The following PLEKHS1 variants were observed in gnomAD, a reference collection of about 807,000 sequenced individuals.
PLEKHS1 encodes pleckstrin homology domain containing S1, also known as pleckstrin homology domain-containing family S member 1.
A neutral mutation model predicts 51.0 loss-of-function variants in PLEKHS1; 55 were observed. The ratio of observed to expected loss-of-function variants is 1.08; its 90% CI spans 0.87 to 1.35. PLEKHS1 has a LOEUF of 1.35. PLEKHS1 is among the 40% of genes most tolerant of loss of function. The probability of loss-of-function intolerance (pLI) is 0.00; values close to 1 mark genes in which losing one functional copy is unlikely to be tolerated. For missense variants in PLEKHS1, 398 were observed against 423.0 expected (o/e 0.94, Z 0.52); for synonymous variants, 153 against 144.8 (o/e 1.06, Z -0.41).
intron 2 of PLEKHS1, chr10:113,765,382 T>G (rs766444548): frequency 2.6e-6 from 2 of 779,386 alleles, no homozygotes; most frequent in Non-Finnish European, 4.8e-6. Flanking sequence ...TTTTCCAGTA[T>G]GGCTGGAGGT....
rs554512855 is a variant in PLEKHS1, at chr10:113,775,822, T to G, written c.1047T>G (p.Asp349Glu). 13 of 1,613,240 alleles carry G rather than the reference T, an allele frequency of 8.1e-6. No individual in the cohort carries two copies. In the South Asian group the frequency reaches 1.3e-4, roughly 16 times the overall value. ...TGAACGTTTTCCTTTCTCCTCCTGATGTCATCAACTATCTTGCTCTCACAG... is the reference window on the plus strand; with the variant it reads ...TGAACGTTTTCCTTTCTCCTCCTGAGGTCATCAACTATCTTGCTCTCACAG... Residue 349 changes from aspartate to glutamate, a missense_variant, in exon 11 of 12, where the codon GAT becomes GAG. By Grantham distance (45) the Asp-to-Glu change is conservative. Transcript: ENST00000361048.
At chr10:113,774,269 G>A in exon 9 of PLEKHS1, 1 of 1,602,236 alleles carries the variant, frequency 6.2e-7, no homozygotes, top group African/African-American at 1.3e-5. Context: ...TGAATCCATT[G>A]AAACTGATGG....
intron 11 of PLEKHS1, among the ~76,000 whole-genome samples, chr10:113,780,148 G>A (rs1230978103): frequency 6.6e-6 from 1 of 152,172 alleles, no homozygotes; most frequent in Non-Finnish European, 1.5e-5. Context: ...GCAGGGATTG[G>A]GAGGGGAGAG....
At chr10:113,756,839 C>T (rs914559898) in intron 2 of PLEKHS1, among the ~76,000 whole-genome samples, 7 of 151,908 alleles carry the variant, frequency 4.6e-5, no homozygotes, top group Admixed American at 1.3e-4. Flanking sequence ...CAGACCTTGA[C>T]CGCGTATGAC....
At chr10:113,783,355 T>C (rs191847675), downstream of PLEKHS1, 1 of 152,322 alleles carries the variant, frequency 6.6e-6, no homozygotes, top group East Asian at 1.9e-4. Context: ...ACATTAAGAA[T>C]GAAAGAATCA....
At chr10:113,772,208 T>A (rs530223158) in intron 8 of PLEKHS1, 119 bp downstream of exon 8, 2 of 1,072,770 alleles carry the variant, frequency 1.9e-6, no homozygotes, top group South Asian at 2.8e-5. Flanking sequence ...GTAAATCAAA[T>A]ACAGATGACG....
At chr10:113,765,057 A>G in intron 2 of PLEKHS1, 1 of 258,432 alleles carries the variant, frequency 3.9e-6, no homozygotes, top group South Asian at 1.2e-4. Flanking sequence ...GTTTTGATTG[A>G]TTGACTTTCT....
chr10:113,763,417 G>A (rs918821458), intron 2 of PLEKHS1, among the ~76,000 whole-genome samples: 29 of 152,076 alleles, frequency 1.9e-4, no homozygotes, highest in African/African-American at 5.3e-4. Context: ...TAATTGAGGT[G>A]TTTAGACCAT....
chr10:113,760,484 A>G (rs974702722), intron 2 of PLEKHS1, among the ~76,000 whole-genome samples: 14 of 152,240 alleles, frequency 9.2e-5, no homozygotes, highest in African/African-American at 3.4e-4. Context: ...CAAAAAAAAA[A>G]GAAAAAAGTT....
intron 9 of PLEKHS1, among the ~76,000 whole-genome samples, 164 bp downstream of exon 9, chr10:113,774,497 A>G (rs1844559533): frequency 1.3e-5 from 2 of 152,190 alleles, no homozygotes; most frequent in African/African-American, 4.8e-5. Flanking sequence ...TGAGGGAGTC[A>G]TGTCTCTTCC....
intron 9 of PLEKHS1, 60 bp downstream of exon 9, chr10:113,774,393 A>G: frequency 1.0e-6 from 1 of 983,088 alleles, no homozygotes. Flanking sequence ...AGGAACAATG[A>G]TTGTCAGTTC....
intron 8 of PLEKHS1, among the ~76,000 whole-genome samples, chr10:113,772,744 G>GC (rs1173169764): frequency 6.6e-6 from 1 of 152,186 alleles, no homozygotes; most frequent in East Asian, 1.9e-4. Flanking sequence ...GGGATGAAGT[G>GC]CCATTTGATA....
At chr10:113,761,441 G>A (rs889609487) in intron 2 of PLEKHS1, among the ~76,000 whole-genome samples, 1 of 134,098 alleles carries the variant, frequency 7.5e-6, no homozygotes, top group Non-Finnish European at 1.6e-5. Context: ...ATTAATTTAT[G>A]TCTCTTTATT....
At chr10:113,773,705 G>A (rs1564825798) in intron 8 of PLEKHS1, among the ~76,000 whole-genome samples, 1 of 152,136 alleles carries the variant, frequency 6.6e-6, no homozygotes, top group Non-Finnish European at 1.5e-5. Context: ...TAGGCCTTAG[G>A]GTTTTTGAGC....
chr10:113,768,673 C>A, intron 5 of PLEKHS1, 142 bp from the exon 6 acceptor site: 3 of 562,760 alleles, frequency 5.3e-6, no homozygotes. Flanking sequence ...GGTGGCGAGG[C>A]CATTTAAGCT....
intron 8 of PLEKHS1, among the ~76,000 whole-genome samples, chr10:113,773,061 C>A (rs1844484759): frequency 6.6e-6 from 1 of 152,130 alleles, no homozygotes; most frequent in South Asian, 2.1e-4. Context: ...TGGGGGTTTT[C>A]CGTAAGATGG....
At chr10:113,755,062 T>C (rs1171131099) in intron 1 of PLEKHS1, among the ~76,000 whole-genome samples, 197 bp from the exon 2 acceptor site, 1 of 152,198 alleles carries the variant, frequency 6.6e-6, no homozygotes, top group East Asian at 1.9e-4. Context: ...TGCTTAGATG[T>C]GTCCCCGTTA....
chr10:113,761,131 T>C (rs1263228135), intron 2 of PLEKHS1, among the ~76,000 whole-genome samples: 2 of 152,216 alleles, frequency 1.3e-5, no homozygotes, highest in African/African-American at 4.8e-5. Context: ...TTCTATTCCA[T>C]TGGCCTATGT....
At position 113,768,034 on chromosome 10, in the gene PLEKHS1, C is replaced by T. The variant is rs149852406; in HGVS notation, c.359+555C>T. 3.5e-3 allele frequency among the ~76,000 whole-genome samples: 540 copies of T among 152,236 alleles called. 6 individuals carry two copies. The highest frequency in any genetic ancestry group is 0.013 in the African/African-American group (523 of 41,536). On this transcript the variant is annotated intron_variant, in intron 5 of 11. Coordinates refer to ENST00000361048, the Ensembl canonical transcript of PLEKHS1. ...GGTCACATTCTGAAGTATTGGGATA[C>T]GGAACTGAAACATACAAATTCATTG... is the stretch of plus-strand genomic sequence containing the variant.
Sources: allele counts gnomAD v4.1 joint callset (sites outside exome capture counted in the v4.1 genomes callset), GRCh38; gene constraint gnomAD v4.1.1; transcripts MANE v1.5; gene names NCBI Gene and HGNC (gene_info 2026-07-23, HGNC 2026-07-21).